Variants in FAIM2 observed in about 807,000 individuals in gnomAD.
FAIM2 encodes Fas apoptotic inhibitory molecule 2, also known as protein lifeguard 2.
Under a neutral mutation model 47.4 loss-of-function variants are expected in FAIM2, and 27 were observed. The observed-to-expected ratio is 0.57, with a 90% CI of 0.42 to 0.78. The LOEUF (loss-of-function observed/expected upper bound fraction) is 0.78, where lower values mean the gene tolerates loss of function less well. Ranked by LOEUF, FAIM2 falls within the 30% of genes least tolerant of loss-of-function variation. The probability of loss-of-function intolerance (pLI) is 0.00; values close to 1 mark genes in which losing one functional copy is unlikely to be tolerated. For synonymous variants in FAIM2, 156 were observed against 159.3 expected, an observed-to-expected ratio of 0.98 and a Z score of 0.16; for missense variants, 311 against 389.4, an observed-to-expected ratio of 0.80 and a Z score of 1.69.
At chr12:49,880,242 G>A (rs1225088326) in intron 11 of FAIM2, among the ~76,000 whole-genome samples, 2 of 151,582 alleles carry the variant, frequency 1.3e-5, no homozygotes, top group Non-Finnish European at 2.9e-5. Flanking sequence ...GTGTGTATGT[G>A]TATGTTCATG....
At position 49,878,844 on chromosome 12, in the gene FAIM2, ATGTG is replaced by A. The variant is rs1264562963; in HGVS notation, c.802-8195_802-8192del. On this transcript the variant is annotated intron_variant, in intron 11 of 11. Transcript: ENST00000320634. ...TGTATATGTGAGTGTATGTGTGTGCATGTGTGTATGTGTGTGTCTGTGCATGTGA... is the reference window on the plus strand; with the variant it reads ...TGTATATGTGAGTGTATGTGTGTGCATGTATGTGTGTGTCTGTGCATGTGA... Among the ~76,000 whole-genome samples the A allele has an allele frequency of 1.2e-4, 7 of 56,228 alleles. 2 individuals carry two copies. The highest frequency in any genetic ancestry group is 4.0e-4 in the Admixed American group (2 of 5,058). 36.9% of individuals were successfully genotyped at this position (56,228 alleles called of 152,430 possible).
chr12:49,882,932 T>C (rs1040612808), intron 11 of FAIM2, among the ~76,000 whole-genome samples: 5 of 151,916 alleles, frequency 3.3e-5, no homozygotes, highest in African/African-American at 1.2e-4. Context: ...GAAAAATACA[T>C]AGTGTGTCAG....
chr12:49,887,389 T>A lies in FAIM2; in HGVS notation c.798A>T (p.Thr266=). Residue 266 remains threonine, a synonymous_variant, in exon 11 of 12, where the codon ACA becomes ACT. Coordinates refer to ENST00000320634, the MANE Select transcript of FAIM2 (RefSeq NM_012306.4). ...CAAGGAGCTAGACCACACTCACCAATGTAAATACACCCGCTCCCAGTGCTG... is the reference window on the plus strand; with the variant it reads ...CAAGGAGCTAGACCACACTCACCAAAGTAAATACACCCGCTCCCAGTGCTG... ...VYAALGAGVF[T]LFLALDTQLL... 1 of 1,610,516 alleles carries A rather than the reference T, an allele frequency of 6.2e-7. No individual in the cohort carries two copies. The highest frequency in any genetic ancestry group is 8.5e-7 in the Non-Finnish European group (1 of 1,178,248).
At chr12:49,897,893 G>T in intron 3 of FAIM2, 94 bp downstream of exon 3, 1 of 943,890 alleles carries the variant, frequency 1.1e-6, no homozygotes, top group Non-Finnish European at 1.7e-6. Context: ...AGGGGGCAGG[G>T]ATGGCTTCTG....
chr12:49,891,052 C>T lies in FAIM2; in HGVS notation c.485+12G>A. ...ATATTCCCACAAGTTCCTCCTCAAG[C>T]CATTAGCATACCTGGGTCCAGAACA... is the stretch of plus-strand genomic sequence containing the variant. On this transcript the variant is annotated intron_variant, in intron 6 of 11. Coordinates refer to ENST00000320634, the MANE Select transcript of FAIM2 (RefSeq NM_012306.4). 1.2e-6 allele frequency: 2 copies of T among 1,613,670 alleles called. No individual in the cohort carries two copies. The highest frequency in any genetic ancestry group is 1.7e-6 in the Non-Finnish European group (2 of 1,179,574).
intron 5 of FAIM2, among the ~76,000 whole-genome samples, chr12:49,892,269 G>A (rs1946905655): frequency 1.3e-5 from 2 of 151,884 alleles, no homozygotes; most frequent in South Asian, 2.1e-4. Context: ...TTAATTGCCC[G>A]GGGATCTCCA....
chr12:49,882,093 A>T (rs1946829777), intron 11 of FAIM2, among the ~76,000 whole-genome samples: 2 of 152,018 alleles, frequency 1.3e-5, no homozygotes. Context: ...TCTTCACCCC[A>T]CTCTTGCACA....
intron 4 of FAIM2, 148 bp downstream of exon 4, chr12:49,897,371 C>T (rs1946945161): frequency 3.8e-6 from 3 of 787,104 alleles, no homozygotes; most frequent in Admixed American, 4.5e-5. Flanking sequence ...GGTGCCCTCT[C>T]TAAGGTTCTT....
At chr12:49,893,373 G>A (rs999027488) in intron 5 of FAIM2, among the ~76,000 whole-genome samples, 1 of 152,130 alleles carries the variant, frequency 6.6e-6, no homozygotes. Flanking sequence ...CTGGGTTAGA[G>A]GGGGGCATCT....
At chr12:49,903,688 T>G in intron 1 of FAIM2, 90 bp downstream of exon 1, 1 of 1,490,192 alleles carries the variant, frequency 6.7e-7, no homozygotes, top group East Asian at 2.5e-5. Flanking sequence ...CAGGGGAGGA[T>G]GCTTTCGTGG....
At chr12:49,877,391 T>C (rs1055378644) in intron 11 of FAIM2, among the ~76,000 whole-genome samples, 6 of 150,610 alleles carry the variant, frequency 4.0e-5, no homozygotes, top group Non-Finnish European at 5.9e-5. Flanking sequence ...AGGGGAGGCA[T>C]TGGGACTGTT....
Position 49,869,624 on chromosome 12 carries a change from C to T in FAIM2, c.*880G>A, listed in dbSNP as rs930250992. On this transcript the variant is annotated 3_prime_UTR_variant, in exon 12 of 12. Transcript: ENST00000320634. ...CATCCAGCCGGAGGGCCCAATCACA[C>T]CTCACTCAGCCTTAGGCCTGTGGCA... 3.3e-5 allele frequency: 5 copies of T among 152,326 alleles called. No individual in the cohort carries two copies. Among genetic ancestry groups the T allele is most frequent in the African/African-American group, 1.2e-4 (5 of 41,440 alleles). 9.4% of individuals were successfully genotyped at this position (152,326 alleles called of 1,614,324 possible).
intron 11 of FAIM2, among the ~76,000 whole-genome samples, chr12:49,879,966 G>GTCTGTA (rs1555158363): frequency 1.3e-5 from 2 of 149,022 alleles, no homozygotes; most frequent in African/African-American, 5.0e-5. Context: ...GTATGTGCAT[G>GTCTGTA]TGTGTGTATA....
At chr12:49,890,270 T>C in intron 7 of FAIM2, 116 bp from the exon 8 acceptor site, 5 of 886,636 alleles carry the variant, frequency 5.6e-6, no homozygotes, top group Non-Finnish European at 9.3e-6. Context: ...TCTTTGTCTA[T>C]GTCACCCCCA....
In FAIM2 at chr12:49,891,171, A is replaced by G. The variant is rs1946897599; in HGVS notation, c.435-57T>C. On this transcript the variant is annotated intron_variant, in intron 5 of 11. Coordinates refer to ENST00000320634, the MANE Select transcript of FAIM2 (RefSeq NM_012306.4). ...CAGCCTCTCCTGGGTCCCTCCCCCA[A>G]GATCCCCTGCTTATGCCACTCTCTG... 2.6e-6 allele frequency: 4 copies of G among 1,536,342 alleles called. No individual in the cohort carries two copies. The Admixed American group carries it at 6.7e-5, about 26-fold the overall frequency.
At position 49,891,372 on chromosome 12, in the gene FAIM2, C is replaced by A. The variant is rs886711934; in HGVS notation, c.435-258G>T. Among the ~76,000 whole-genome samples the A allele has an allele frequency of 5.3e-5, 8 of 152,120 alleles. No homozygotes were observed. The East Asian group carries it at 9.6e-4, about 18-fold the overall frequency. ...CATGAGACAGCTGTTCCTGACCACC[C>A]AATACAAAGTGGCCTCCCCAGACAC... On this transcript the variant is annotated intron_variant, in intron 5 of 11. Transcript: ENST00000320634.
chr12:49,893,373 G>GA (rs1037879611), intron 5 of FAIM2, among the ~76,000 whole-genome samples: 4 of 152,130 alleles, frequency 2.6e-5, no homozygotes, highest in African/African-American at 9.7e-5. Context: ...CTGGGTTAGA[G>GA]GGGGGCATCT....
chr12:49,896,952 G>T, intron 5 of FAIM2, 79 bp downstream of exon 5: 1 of 1,210,366 alleles, frequency 8.3e-7, no homozygotes, highest in Non-Finnish European at 1.2e-6. Flanking sequence ...CTCAGATTAG[G>T]TCAAGAAAGA....
intron 3 of FAIM2, 91 bp downstream of exon 3, chr12:49,897,896 G>A (rs1946950454): frequency 1.0e-6 from 1 of 960,878 alleles, no homozygotes; most frequent in Non-Finnish European, 1.7e-6. Flanking sequence ...GGGCAGGGAT[G>A]GCTTCTGCAG....
Sources: gnomAD v4.1 joint callset for allele counts (sites outside exome capture counted in the v4.1 genomes callset) on GRCh38, gnomAD v4.1.1 for gene constraint, MANE v1.5 for transcripts, NCBI Gene and HGNC (gene_info 2026-07-23, HGNC 2026-07-21) for gene names.